Variants in POU6F2 observed in about 807,000 individuals in gnomAD.
POU6F2 encodes the protein POU domain, class 6, transcription factor 2.
Under a neutral mutation model 71.3 loss-of-function variants are expected in POU6F2, and 31 were observed. That is an observed-to-expected ratio of 0.43 (90% CI 0.33 to 0.59). POU6F2 has a LOEUF of 0.59. Among genes scored for constraint, POU6F2 ranks in the 20% least tolerant of loss-of-function variants. The probability of loss-of-function intolerance (pLI) is 0.04; values close to 1 mark genes in which losing one functional copy is unlikely to be tolerated. For synonymous variants in POU6F2, 347 were observed against 355.7 expected (o/e 0.98, Z 0.27); for missense variants, 783 against 856.8 (o/e 0.91, Z 1.07).
chr7:39,242,558 G>A (rs1279692590), intron 4 of POU6F2, among the ~76,000 whole-genome samples: 3 of 151,974 alleles, frequency 2.0e-5, no homozygotes, highest in Admixed American at 2.0e-4. Context: ...GGGGGGTCAT[G>A]ATATGGTAAA....
chr7:39,076,058 G>T (rs1790996855), intron 1 of POU6F2, among the ~76,000 whole-genome samples: 1 of 152,198 alleles, frequency 6.6e-6, no homozygotes. Flanking sequence ...AGATAGCTGG[G>T]TGAGGCCTCG....
rs190225459 is a variant in POU6F2, at chr7:39,398,044, A to G, written c.973-8556A>G. Among the ~76,000 whole-genome samples, 222 of 152,026 alleles carry G rather than the reference A, an allele frequency of 1.5e-3. 3 individuals are homozygous for G. Among genetic ancestry groups the G allele is most frequent in the Admixed American group, 9.8e-3 (149 of 15,270 alleles). On this transcript the variant is annotated intron_variant, in intron 5 of 9. Coordinates refer to ENST00000518318, the MANE Select transcript of POU6F2 (RefSeq NM_001370959.1). ...GCATGTTGAAGCACGTATTTTTAAA[A>G]AAAAAACATTCAGACAAGTTTGCCT... is the stretch of plus-strand genomic sequence containing the variant.
chr7:39,153,516 G>C (rs1231049452), intron 2 of POU6F2, among the ~76,000 whole-genome samples: 1 of 152,182 alleles, frequency 6.6e-6, no homozygotes, highest in Admixed American at 6.5e-5. Flanking sequence ...AGAGATTCTA[G>C]ATGTCAACAG....
intron 4 of POU6F2, among the ~76,000 whole-genome samples, chr7:39,334,426 A>T (rs1254889700): frequency 6.6e-6 from 1 of 152,206 alleles, no homozygotes; most frequent in Non-Finnish European, 1.5e-5. Context: ...GAATGGGTAC[A>T]TTAGAAGCCA....
At chr7:39,070,048 C>G (rs1790844300) in intron 1 of POU6F2, among the ~76,000 whole-genome samples, 1 of 152,164 alleles carries the variant, frequency 6.6e-6, no homozygotes, top group Non-Finnish European at 1.5e-5. Flanking sequence ...CCCTTCCTCA[C>G]TGGCCACACG....
At chr7:39,273,162 C>T (rs1784370118) in intron 4 of POU6F2, among the ~76,000 whole-genome samples, 1 of 151,984 alleles carries the variant, frequency 6.6e-6, no homozygotes, top group Admixed American at 6.5e-5. Flanking sequence ...AGATATTCCA[C>T]ACCCTCCAGG....
intron 2 of POU6F2, among the ~76,000 whole-genome samples, chr7:39,177,912 G>A (rs181289881): frequency 1.1e-3 from 167 of 152,298 alleles, no homozygotes; most frequent in Non-Finnish European, 2.1e-3. Context: ...GTTTATAACT[G>A]TAACTTGTAT....
chr7:39,107,256 G>T (rs1227267972), intron 2 of POU6F2, among the ~76,000 whole-genome samples: 1 of 151,708 alleles, frequency 6.6e-6, no homozygotes, highest in Non-Finnish European at 1.5e-5. Context: ...CATTGTCCAG[G>T]CTGGTCTCCA....
intron 1 of POU6F2, among the ~76,000 whole-genome samples, chr7:39,006,140 G>A (rs757414971): frequency 2.0e-5 from 3 of 152,124 alleles, no homozygotes. Flanking sequence ...TCTTACACCT[G>A]ATCACATTTT....
chr7:39,387,009 C>T (rs1006989765), intron 5 of POU6F2, among the ~76,000 whole-genome samples: 3 of 152,208 alleles, frequency 2.0e-5, no homozygotes, highest in Non-Finnish European at 4.4e-5. Context: ...AGTTGTATCT[C>T]AGCTGGAAAC....
At chr7:39,355,357 A>G (rs1248254265) in intron 5 of POU6F2, among the ~76,000 whole-genome samples, 1 of 152,244 alleles carries the variant, frequency 6.6e-6, no homozygotes, top group South Asian at 2.1e-4. Context: ...CCTTTAAGTG[A>G]TATACAAATG....
At chr7:39,182,917 T>G (rs1461758889) in intron 2 of POU6F2, among the ~76,000 whole-genome samples, 1 of 152,200 alleles carries the variant, frequency 6.6e-6, no homozygotes, top group Non-Finnish European at 1.5e-5. Context: ...CCAGCAAAAA[T>G]GCAGCAAGGA....
intron 5 of POU6F2, among the ~76,000 whole-genome samples, chr7:39,394,738 G>A (rs1787138972): frequency 6.6e-6 from 1 of 152,024 alleles, no homozygotes; most frequent in Admixed American, 6.6e-5. Flanking sequence ...ATCCAGGATT[G>A]AGCTGCTATC....
chr7:39,070,289 C>T (rs1052692473), intron 1 of POU6F2, among the ~76,000 whole-genome samples: 2 of 152,090 alleles, frequency 1.3e-5, no homozygotes, highest in Non-Finnish European at 2.9e-5. Context: ...ATGAGAATAA[C>T]AGCTTTTTTA....
At chr7:39,088,890 A>G (rs1461662921) in intron 2 of POU6F2, among the ~76,000 whole-genome samples, 1 of 152,218 alleles carries the variant, frequency 6.6e-6, no homozygotes, top group Non-Finnish European at 1.5e-5. Flanking sequence ...CCAAAACTGC[A>G]GGAGAAGGGC....
chr7:39,100,246 C>CA (rs1234864397), intron 2 of POU6F2, among the ~76,000 whole-genome samples: 3 of 152,130 alleles, frequency 2.0e-5, no homozygotes, highest in Non-Finnish European at 2.9e-5. Context: ...ATGGCAACCT[C>CA]AAAAAAATCT....
intron 4 of POU6F2, among the ~76,000 whole-genome samples, chr7:39,294,336 G>A (rs1784812324): frequency 7.0e-6 from 1 of 142,200 alleles, no homozygotes; most frequent in African/African-American, 2.5e-5. Flanking sequence ...AGTAATTGCG[G>A]TTTTTGCCAT....
rs777259566 is a variant in POU6F2, at chr7:39,046,757, C to T, written c.106-39103C>T. On this transcript the variant is annotated intron_variant, in intron 1 of 9. Transcript: ENST00000518318. Reference sequence around the variant, plus strand: ...TATGACAACTGAAAATGTCTCGAGACATTATCAAATGTCCCTTGGCAAGCA... The same window carrying T: ...TATGACAACTGAAAATGTCTCGAGATATTATCAAATGTCCCTTGGCAAGCA... Among the ~76,000 whole-genome samples the T allele has an allele frequency of 1.4e-4, 22 of 151,974 alleles. No homozygotes were observed. In the South Asian group the frequency reaches 3.5e-3, roughly 24 times the overall value.
At chr7:39,461,039 C>G (rs1386591993) in intron 9 of POU6F2, among the ~76,000 whole-genome samples, 1 of 152,090 alleles carries the variant, frequency 6.6e-6, no homozygotes, top group African/African-American at 2.4e-5. Context: ...TTTGTCTGCA[C>G]GTAGGTATTC....
Sources: gnomAD v4.1 joint callset for allele counts (sites outside exome capture counted in the v4.1 genomes callset) on GRCh38, gnomAD v4.1.1 for gene constraint, MANE v1.5 for transcripts, NCBI Gene and HGNC (gene_info 2026-07-23, HGNC 2026-07-21) for gene names.